The following MEGF11 variants were observed in gnomAD, a reference collection of about 807,000 sequenced individuals.
MEGF11 encodes the protein multiple EGF like domains 11.
MEGF11 carries 126 observed loss-of-function variants against 146.6 expected under a neutral mutation model. That is an observed-to-expected ratio of 0.86 (90% CI 0.74 to 1.00). The LOEUF is 1.00. Ranked by LOEUF, MEGF11 falls within the 50% of genes least tolerant of loss-of-function variation. The pLI, the probability that MEGF11 is intolerant of heterozygous loss-of-function variation, is 0.00. For missense variants in MEGF11, 1,509 were observed against 1,521.2 expected, an observed-to-expected ratio of 0.99 and a Z score of 0.13; for synonymous variants, 532 against 583.4, an observed-to-expected ratio of 0.91 and a Z score of 1.27.
At chr15:66,251,324 A>T (rs1179170985) in intron 1 of MEGF11, among the ~76,000 whole-genome samples, 1 of 152,196 alleles carries the variant, frequency 6.6e-6, no homozygotes. Flanking sequence ...TTCTCCACGG[A>T]CTATCCCTAA....
At chr15:65,917,319 T>G (rs536180866) in intron 16 of MEGF11, among the ~76,000 whole-genome samples, 24 of 152,244 alleles carry the variant, frequency 1.6e-4, no homozygotes, top group African/African-American at 5.3e-4. Context: ...ATGGGGACTT[T>G]CCTAGGGCAG....
chr15:66,203,425 C>G (rs889525218), intron 1 of MEGF11, among the ~76,000 whole-genome samples: 14 of 152,226 alleles, frequency 9.2e-5, no homozygotes, highest in African/African-American at 3.4e-4. Context: ...CTGAGGCCTT[C>G]TAGTCAGACT....
intron 1 of MEGF11, among the ~76,000 whole-genome samples, chr15:66,160,707 C>CACACACACACACACACACACA (rs1555477714): frequency 1.1e-5 from 1 of 88,158 alleles, no homozygotes; most frequent in Non-Finnish European, 2.6e-5. Context: ...ACACACACAC[C>CACACACACACACACACACACA]CTTGCCCTAG....
intron 5 of MEGF11, among the ~76,000 whole-genome samples, chr15:66,020,260 T>C (rs1005436782): frequency 7.9e-5 from 12 of 152,350 alleles, no homozygotes; most frequent in Admixed American, 3.9e-4. Context: ...TAAGTAGGTG[T>C]TCTCTTCCAT....
intron 4 of MEGF11, among the ~76,000 whole-genome samples, chr15:66,116,427 A>T (rs2140895439): frequency 2.6e-5 from 4 of 152,230 alleles, no homozygotes; most frequent in Admixed American, 2.6e-4. Flanking sequence ...ACACCTTTCT[A>T]GTACACCCTG....
At chr15:66,020,077 GGGTCCTGTAGGT>G (rs532117732) in intron 5 of MEGF11, among the ~76,000 whole-genome samples, 17 of 152,338 alleles carry the variant, frequency 1.1e-4, no homozygotes, top group Middle Eastern at 3.4e-3. Context: ...TCCCCAGCTC[GGGTCCTGTAGGT>G]GGTCCTGTAG....
At chr15:66,141,286 GT>G (rs2089151822) in intron 1 of MEGF11, among the ~76,000 whole-genome samples, 1 of 112,124 alleles carries the variant, frequency 8.9e-6, no homozygotes, top group South Asian at 2.9e-4. Flanking sequence ...GTGTGTGTGT[GT>G]GTGAGAGAGA....
At chr15:65,993,027 A>G (rs1164072328) in intron 5 of MEGF11, among the ~76,000 whole-genome samples, 1 of 152,156 alleles carries the variant, frequency 6.6e-6, no homozygotes, top group Non-Finnish European at 1.5e-5. Flanking sequence ...GCAGGAGAGG[A>G]GCAAGACTCC....
rs528560457 is a variant in MEGF11 at position 66,133,574 on chromosome 15, TG to T, written c.-8-5164del. Among the ~76,000 whole-genome samples the T allele has an allele frequency of 1.4e-3, 216 of 152,316 alleles. 1 individual carries two copies. Among genetic ancestry groups the T allele is most frequent in the African/African-American group, 5.1e-3 (213 of 41,570 alleles). ...CCGTCTAGTGGCCTTCCCCTTCCTC[TG>T]CCCTGGCTCTCTCAGCTGGCTCCCA... On this transcript the variant is annotated intron_variant, in intron 1 of 25. Transcript: ENST00000395614.
chr15:66,035,327 C>A (rs1597013847), intron 5 of MEGF11, among the ~76,000 whole-genome samples: 1 of 152,188 alleles, frequency 6.6e-6, no homozygotes, highest in African/African-American at 2.4e-5. Context: ...CTCTAATGGT[C>A]CTGTTGTGCT....
intron 5 of MEGF11, among the ~76,000 whole-genome samples, chr15:66,076,347 T>TAAAA (rs11348293): frequency 3.4e-5 from 5 of 145,530 alleles, no homozygotes; most frequent in African/African-American, 1.0e-4. Context: ...AAGATCTTTG[T>TAAAA]AAAAAAAAAA....
intron 1 of MEGF11, among the ~76,000 whole-genome samples, chr15:66,174,943 G>A (rs1303036510): frequency 1.3e-5 from 2 of 152,054 alleles, no homozygotes; most frequent in African/African-American, 4.8e-5. Flanking sequence ...TTGCTCCTAA[G>A]TATTTTTTTG....
chr15:65,987,773 C>T (rs72742861), intron 5 of MEGF11, among the ~76,000 whole-genome samples: 21,748 of 151,760 alleles, frequency 0.14, 2,217 homozygotes, highest in East Asian at 0.61. Context: ...TGCAGTGGTG[C>T]GATCTTGGCT....
At chr15:66,108,005 T>G (rs2140833242) in intron 4 of MEGF11, among the ~76,000 whole-genome samples, 2 of 152,236 alleles carry the variant, frequency 1.3e-5, no homozygotes, top group East Asian at 3.9e-4. Flanking sequence ...CAGAGAATGT[T>G]AGGCTCCACA....
At chr15:66,067,643 C>T (rs2085190556) in intron 5 of MEGF11, among the ~76,000 whole-genome samples, 2 of 152,214 alleles carry the variant, frequency 1.3e-5, no homozygotes, top group South Asian at 4.1e-4. Flanking sequence ...CTGAGGCTCC[C>T]ACTGTAGGGA....
At chr15:65,906,233 C>T in intron 23 of MEGF11, 92 bp from the exon 24 acceptor site, 3 of 863,124 alleles carry the variant, frequency 3.5e-6, no homozygotes, top group Non-Finnish European at 5.6e-6. Context: ...CTTTTCCCCC[C>T]CCTTCTCCCC....
At chr15:66,135,536 T>A (rs1383692218) in intron 1 of MEGF11, among the ~76,000 whole-genome samples, 1 of 152,056 alleles carries the variant, frequency 6.6e-6, no homozygotes, top group East Asian at 1.9e-4. Flanking sequence ...CCGAGGCCCC[T>A]CCCTGCAGGA....
intron 1 of MEGF11, among the ~76,000 whole-genome samples, chr15:66,228,200 G>C (rs984047850): frequency 3.3e-5 from 5 of 152,134 alleles, no homozygotes; most frequent in Non-Finnish European, 7.4e-5. Flanking sequence ...GACCAGGGGA[G>C]CTTAGCAAAT....
chr15:65,952,113 A>G (rs984102924), intron 10 of MEGF11, among the ~76,000 whole-genome samples: 7 of 152,214 alleles, frequency 4.6e-5, no homozygotes, highest in African/African-American at 1.7e-4. Flanking sequence ...CTTATTGTGT[A>G]GTACATACAG....
Sources: allele counts gnomAD v4.1 joint callset (sites outside exome capture counted in the v4.1 genomes callset), GRCh38; gene constraint gnomAD v4.1.1; transcripts MANE v1.5; gene names NCBI Gene and HGNC (gene_info 2026-07-23, HGNC 2026-07-21).